Variants in NR2F1-AS1 observed in about 807,000 individuals in gnomAD.
The protein encoded by NR2F1-AS1 is NR2F1 antisense RNA 1.
At chr5:93,421,950 A>C (rs995246202) in intron 4 of NR2F1-AS1, among the ~76,000 whole-genome samples, 7 of 152,222 alleles carry the variant, frequency 4.6e-5, no homozygotes, top group Admixed American at 3.9e-4. Context: ...GAAGCTTCAC[A>C]CTGAATCTTT....
chr5:93,493,916 A>T (rs193026478), intron 4 of NR2F1-AS1, among the ~76,000 whole-genome samples: 18 of 152,308 alleles, frequency 1.2e-4, no homozygotes, highest in African/African-American at 3.8e-4. Context: ...ATACACTTAA[A>T]TCTTCATGAC....
At chr5:93,545,914 C>T (rs1561493453) in intron 4 of NR2F1-AS1, among the ~76,000 whole-genome samples, 1 of 152,298 alleles carries the variant, frequency 6.6e-6, no homozygotes, top group East Asian at 1.9e-4. Context: ...CTAGGAATCT[C>T]TTTACACAGA....
chr5:93,492,987 G>A (rs988764329), intron 4 of NR2F1-AS1, among the ~76,000 whole-genome samples: 9 of 152,128 alleles, frequency 5.9e-5, no homozygotes, highest in Non-Finnish European at 1.2e-4. Flanking sequence ...AAGAAAACAT[G>A]ATGCCTGCTT....
intron 4 of NR2F1-AS1, among the ~76,000 whole-genome samples, chr5:93,477,722 T>G (rs1432834448): frequency 1.3e-5 from 2 of 152,094 alleles, no homozygotes; most frequent in Non-Finnish European, 2.9e-5. Context: ...CAATACAATC[T>G]CTCATTGAAA....
At chr5:93,418,403 A>G (rs946930347) in intron 4 of NR2F1-AS1, among the ~76,000 whole-genome samples, 1 of 152,080 alleles carries the variant, frequency 6.6e-6, no homozygotes, top group Non-Finnish European at 1.5e-5. Flanking sequence ...CCTGGACAAC[A>G]TGGTGAAACC....
chr5:93,470,147 C>T (rs1412129971), intron 4 of NR2F1-AS1, among the ~76,000 whole-genome samples: 2 of 151,868 alleles, frequency 1.3e-5, no homozygotes, highest in Non-Finnish European at 2.9e-5. Context: ...TTTTTACCAA[C>T]TTGATGTTAA....
chr5:93,504,219 T>C (rs1454481397), intron 4 of NR2F1-AS1, among the ~76,000 whole-genome samples: 1 of 152,226 alleles, frequency 6.6e-6, no homozygotes, highest in Non-Finnish European at 1.5e-5. Flanking sequence ...CATTGTTGTA[T>C]AAGTCCATGT....
At chr5:93,554,706 A>G (rs1752313076) in intron 3 of NR2F1-AS1, among the ~76,000 whole-genome samples, 1 of 152,228 alleles carries the variant, frequency 6.6e-6, no homozygotes, top group Non-Finnish European at 1.5e-5. Flanking sequence ...ACAAGTATAA[A>G]AATAACAAGG....
At chr5:93,584,630 A>AG (rs940455737), upstream of NR2F1-AS1, 1 of 36,874 alleles carries the variant, frequency 2.7e-5, no homozygotes, top group Non-Finnish European at 5.4e-5. Flanking sequence ...GGGGGTGGGG[A>AG]GGGGGGAAGG....
intron 4 of NR2F1-AS1, among the ~76,000 whole-genome samples, chr5:93,465,638 C>T (rs1312730790): frequency 1.3e-5 from 2 of 151,642 alleles, no homozygotes; most frequent in Non-Finnish European, 2.9e-5. Flanking sequence ...ATGTTTATTG[C>T]AGCACTATTC....
intron 4 of NR2F1-AS1, among the ~76,000 whole-genome samples, chr5:93,457,405 T>C (rs572328448): frequency 6.6e-6 from 1 of 152,290 alleles, no homozygotes; most frequent in East Asian, 1.9e-4. Flanking sequence ...CCACTAAACC[T>C]TGAGTCGTCA....
chr5:93,424,071 G>A (rs1329801096), intron 4 of NR2F1-AS1, among the ~76,000 whole-genome samples: 1 of 151,940 alleles, frequency 6.6e-6, no homozygotes, highest in Non-Finnish European at 1.5e-5. Context: ...CCTCACTATT[G>A]CTAGCTGGAG....
chr5:93,566,092 C>T (rs940144545), intron 1 of NR2F1-AS1, among the ~76,000 whole-genome samples: 3 of 151,700 alleles, frequency 2.0e-5, no homozygotes, highest in Admixed American at 1.3e-4. Context: ...TAAGCAAAGG[C>T]CTATCTAAAT....
intron 4 of NR2F1-AS1, among the ~76,000 whole-genome samples, chr5:93,467,416 C>A (rs548040364): frequency 6.6e-6 from 1 of 152,194 alleles, no homozygotes; most frequent in East Asian, 1.9e-4. Flanking sequence ...TTTTTAGCAC[C>A]CTTTTCTAAG....
chr5:93,538,071 T>G (rs956713200), intron 4 of NR2F1-AS1, among the ~76,000 whole-genome samples: 1 of 152,120 alleles, frequency 6.6e-6, no homozygotes, highest in African/African-American at 2.4e-5. Context: ...TAGGGCTAGT[T>G]CCTTCCTTGT....
chr5:93,430,182 T>A (rs1223392475), intron 4 of NR2F1-AS1, among the ~76,000 whole-genome samples: 3 of 152,214 alleles, frequency 2.0e-5, no homozygotes, highest in Non-Finnish European at 2.9e-5. Flanking sequence ...AATTCATTAG[T>A]CGATTCTGCA....
At chr5:93,520,618 T>C (rs561229754) in intron 4 of NR2F1-AS1, among the ~76,000 whole-genome samples, 11 of 152,250 alleles carry the variant, frequency 7.2e-5, no homozygotes, top group Middle Eastern at 3.4e-3. Context: ...AAGAGAAGTA[T>C]GGCCTGTTCT....
chr5:93,445,560 C>T (rs1389249765), intron 4 of NR2F1-AS1, among the ~76,000 whole-genome samples: 1 of 151,678 alleles, frequency 6.6e-6, no homozygotes, highest in Non-Finnish European at 1.5e-5. Context: ...AATTAATAGC[C>T]TACCAATCAA....
intron 4 of NR2F1-AS1, among the ~76,000 whole-genome samples, chr5:93,492,214 C>T (rs950898796): frequency 1.3e-5 from 2 of 152,014 alleles, no homozygotes; most frequent in South Asian, 4.1e-4. Context: ...GGACAAATTC[C>T]TAGAAACACA....
Sources: allele counts gnomAD v4.1 joint callset (sites outside exome capture counted in the v4.1 genomes callset), GRCh38; gene constraint gnomAD v4.1.1; transcripts MANE v1.5; gene names NCBI Gene and HGNC (gene_info 2026-07-23, HGNC 2026-07-21).